The following PTTG1IP variants were observed in gnomAD, a reference collection of about 807,000 sequenced individuals.
The protein encoded by PTTG1IP is PTTG1 interacting protein.
In PTTG1IP, 16 loss-of-function variants were observed where a neutral mutation model predicts 24.4. The observed-to-expected ratio is 0.66, with a 90% CI of 0.44 to 1.00. The LOEUF (loss-of-function observed/expected upper bound fraction) is 1.00. Ranked by LOEUF, PTTG1IP falls within the 50% of genes least tolerant of loss-of-function variation. The pLI is 0.00. For synonymous variants in PTTG1IP, 89 were observed against 96.8 expected (o/e 0.92, Z 0.47); for missense variants, 241 against 245.8 (o/e 0.98, Z 0.13).
chr21:44,866,989 G>A (rs1455440981), intron 1 of PTTG1IP, among the ~76,000 whole-genome samples: 1 of 152,158 alleles, frequency 6.6e-6, no homozygotes, highest in African/African-American at 2.4e-5. Flanking sequence ...TTTCATCCAG[G>A]AGAGAAGGCG....
intron 1 of PTTG1IP, among the ~76,000 whole-genome samples, chr21:44,871,552 G>A (rs955638900): frequency 1.3e-5 from 2 of 152,212 alleles, no homozygotes; most frequent in African/African-American, 4.8e-5. Flanking sequence ...GCTTAAAAGT[G>A]TTGGATTTGG....
rs1319336332 is a variant in PTTG1IP, at chr21:44,851,395, A to G, written c.*186T>C. 11 of 1,551,654 alleles carry G rather than the reference A, an allele frequency of 7.1e-6. No individual in the cohort carries two copies. Among genetic ancestry groups the G allele is most frequent in the Non-Finnish European group, 7.8e-6 (9 of 1,151,346 alleles). ...GAAACAGAGATGAACAGGGAATAGA[A>G]GGTCACCAGTCTGCAAGACGAGAGG... is the stretch of plus-strand genomic sequence containing the variant. On this transcript the variant is annotated 3_prime_UTR_variant, in exon 6 of 6. Transcript: ENST00000330938.
intron 3 of PTTG1IP, 100 bp downstream of exon 3, chr21:44,861,063 A>G (rs2083487567): frequency 2.1e-6 from 2 of 967,150 alleles, no homozygotes; most frequent in African/African-American, 3.3e-5. Context: ...CCGCCTCCCA[A>G]AGTGCTGGGA....
At chr21:44,852,401 C>G (rs1004575612) in intron 5 of PTTG1IP, among the ~76,000 whole-genome samples, 6 of 152,060 alleles carry the variant, frequency 3.9e-5, no homozygotes, top group South Asian at 4.2e-4. Flanking sequence ...AGGCTGGTCT[C>G]GAACTCCCAA....
At chr21:44,873,411 G>T in intron 1 of PTTG1IP, 91 bp downstream of exon 1, 1 of 1,164,554 alleles carries the variant, frequency 8.6e-7, no homozygotes, top group Non-Finnish European at 1.1e-6. Flanking sequence ...GCCGAGCCCA[G>T]CGCCCTGGCC....
intron 1 of PTTG1IP, among the ~76,000 whole-genome samples, chr21:44,868,536 G>A (rs1277274645): frequency 6.6e-6 from 1 of 152,152 alleles, no homozygotes; most frequent in Non-Finnish European, 1.5e-5. Context: ...CCCGAGAGTG[G>A]CACAGACATG....
At chr21:44,870,382 A>C (rs2083574636) in intron 1 of PTTG1IP, among the ~76,000 whole-genome samples, 1 of 152,068 alleles carries the variant, frequency 6.6e-6, no homozygotes, top group Non-Finnish European at 1.5e-5. Context: ...TTCTACTAAA[A>C]ATACGAAAAT....
chr21:44,872,302 G>C (rs996696880), intron 1 of PTTG1IP, among the ~76,000 whole-genome samples: 5 of 152,198 alleles, frequency 3.3e-5, no homozygotes, highest in African/African-American at 1.2e-4. Context: ...CACACTTGGA[G>C]GCAGGTAAGA....
At chr21:44,858,698 C>G (rs540734615) in intron 3 of PTTG1IP, among the ~76,000 whole-genome samples, 1 of 152,236 alleles carries the variant, frequency 6.6e-6, no homozygotes. Context: ...GTGTGTCCAT[C>G]CACTTCTGCA....
rs996959326 is a variant in PTTG1IP, at chr21:44,851,512, C to T, written c.*69G>A. 5.0e-6 allele frequency: 8 copies of T among 1,613,844 alleles called. No homozygotes were observed. Among genetic ancestry groups the T allele is most frequent in the Non-Finnish European group, 6.8e-6 (8 of 1,179,952 alleles). ...CAGGAGACCGCAATGGCCACGTGGT[C>T]TCCCGGCTGGGCTGGGCTGCGGAGC... On this transcript the variant is annotated 3_prime_UTR_variant, in exon 6 of 6. Transcript: ENST00000330938.
Position 44,849,803 on chromosome 21 carries a change from C to T in PTTG1IP, c.*1778G>A, listed in dbSNP as rs1063957. ...TTTCACAACCGAGCCCTAGCGCCAG[C>T]TCAGCACCCTACGCTCAGGAAGCGG... On this transcript the variant is annotated 3_prime_UTR_variant, in exon 6 of 6. Coordinates refer to ENST00000330938, the MANE Select transcript of PTTG1IP (RefSeq NM_004339.4). 7.2e-5 allele frequency: 11 copies of T among 152,312 alleles called. No individual in the cohort carries two copies. Among genetic ancestry groups the T allele is most frequent in the African/African-American group, 2.7e-4 (11 of 41,456 alleles). The allele number at this position is 152,312 out of a possible 1,614,324, so 9.4% of individuals were successfully genotyped here.
intron 3 of PTTG1IP, among the ~76,000 whole-genome samples, chr21:44,856,977 A>G (rs1226423768): frequency 2.0e-5 from 3 of 152,186 alleles, no homozygotes; most frequent in Non-Finnish European, 4.4e-5. Flanking sequence ...ACGGCTGGCT[A>G]ATCGGTCCCA....
intron 3 of PTTG1IP, among the ~76,000 whole-genome samples, chr21:44,857,176 T>C (rs235319): frequency 0.72 from 109,357 of 152,200 alleles, 40,419 homozygotes; most frequent in African/African-American, 0.9. Context: ...TTCAATCATG[T>C]AGTTCAAACA....
chr21:44,868,143 C>T (rs1363126244), intron 1 of PTTG1IP, among the ~76,000 whole-genome samples: 5 of 152,188 alleles, frequency 3.3e-5, no homozygotes, highest in African/African-American at 2.4e-5. Context: ...AGTGAAAAGC[C>T]TTAATTTCTT....
intron 3 of PTTG1IP, among the ~76,000 whole-genome samples, chr21:44,857,665 G>A (rs2083459289): frequency 6.6e-6 from 1 of 152,326 alleles, no homozygotes; most frequent in Non-Finnish European, 1.5e-5. Flanking sequence ...TGCATGCCTG[G>A]GCCCTGGCAA....
At chr21:44,855,391 C>T in intron 4 of PTTG1IP, 135 bp from the exon 5 acceptor site, 1 of 911,178 alleles carries the variant, frequency 1.1e-6, no homozygotes. Flanking sequence ...CAGAGTGAAA[C>T]CAGGGTGAGG....
At chr21:44,854,502 A>G (rs1378344372) in intron 5 of PTTG1IP, among the ~76,000 whole-genome samples, 1 of 136,816 alleles carries the variant, frequency 7.3e-6, no homozygotes, top group Non-Finnish European at 1.6e-5. Flanking sequence ...CCACAAACCC[A>G]GCGCGGGAGA....
Position 44,873,550 on chromosome 21 carries a change from G to C in PTTG1IP, c.67C>G (p.Leu23Val). The change falls in exon 1 of 6, where the codon CTC becomes GTC. Residue 23 changes from leucine (L) to valine (V), a missense_variant. Leu to Val is a conservative substitution (Grantham distance 32). Coordinates refer to ENST00000330938, the MANE Select transcript of PTTG1IP (RefSeq NM_004339.4). ...GCGGCCACCGGGATGAGCAGCAGGA[G>C]CAGCGCGGCGCCACCGAGGCGCAAC... ...WRLRLGGAAL[L>V]LLLIPVAAAQ... 6.8e-7 allele frequency: 1 copy of C among 1,473,962 alleles called. No individual in the cohort carries two copies. Among genetic ancestry groups the C allele is most frequent in the South Asian group, 1.3e-5 (1 of 78,006 alleles). The allele number at this position is 1,473,962 out of a possible 1,614,324, so 91.3% of individuals were successfully genotyped here. A position where few individuals can be genotyped will look rare whatever the true frequency, so the allele number is the denominator to read the frequency against.
chr21:44,856,331 A>G lies in PTTG1IP; in HGVS notation c.311T>C (p.Val104Ala). The change falls in exon 4 of 6, where the codon GTA becomes GCA. Residue 104 changes from valine to alanine, a missense_variant. Physicochemically the swap from Val to Ala is moderately conservative, Grantham distance 64. Coordinates refer to ENST00000330938, the MANE Select transcript of PTTG1IP (RefSeq NM_004339.4). ...NFEALIITMS[V>A]VGGTLLLGIA... ...GCCCAGGAGGAGGGTTCCCCCGACT[A>G]CCGACATGGTGATGATCAGCGCCTC... 6.2e-7 allele frequency: 1 copy of G among 1,613,920 alleles called. No individual in the cohort carries two copies. The highest frequency in any genetic ancestry group is 1.1e-5 in the South Asian group (1 of 91,070).
Sources: allele counts gnomAD v4.1 joint callset (sites outside exome capture counted in the v4.1 genomes callset), GRCh38; gene constraint gnomAD v4.1.1; transcripts MANE v1.5; gene names NCBI Gene and HGNC (gene_info 2026-07-23, HGNC 2026-07-21).